The following TAF1B variants were observed in gnomAD, a reference collection of about 807,000 sequenced individuals.
The protein encoded by TAF1B is TATA-box binding protein associated factor, RNA polymerase I subunit B, also known as TATA box-binding protein-associated factor RNA polymerase I subunit B.
In TAF1B, 61 loss-of-function variants were observed where a neutral mutation model predicts 83.9. The ratio of observed to expected loss-of-function variants is 0.73; its 90% CI spans 0.59 to 0.90. TAF1B has a LOEUF of 0.90. Ranked by LOEUF, TAF1B falls within the 40% of genes least tolerant of loss-of-function variation. TAF1B has a pLI of 0.00. For synonymous variants in TAF1B, 221 were observed against 224.6 expected, an observed-to-expected ratio of 0.98 and a Z score of 0.14; for missense variants, 625 against 677.0, an observed-to-expected ratio of 0.92 and a Z score of 0.85.
At chr2:9,852,155 G>C in intron 4 of TAF1B, 1 of 393,136 alleles carries the variant, frequency 2.5e-6, no homozygotes, top group Non-Finnish European at 5.2e-6. Context: ...CTTAATCCCC[G>C]AATTTCTGAG....
intron 11 of TAF1B, among the ~76,000 whole-genome samples, chr2:9,911,913 T>C (rs1010763431): frequency 1.3e-5 from 2 of 152,242 alleles, no homozygotes; most frequent in African/African-American, 4.8e-5. Flanking sequence ...TGCTCTTTCC[T>C]TCTTACCCCA....
intron 2 of TAF1B, among the ~76,000 whole-genome samples, chr2:9,847,097 T>A (rs894033751): frequency 2.0e-5 from 3 of 152,216 alleles, no homozygotes; most frequent in African/African-American, 7.2e-5. Context: ...ACTGTTTCCG[T>A]TTGATTCTGT....
chr2:9,910,762 G>A lies in TAF1B; in HGVS notation c.982G>A (p.Val328Met), dbSNP rs540281305. 6 of 1,611,410 alleles carry A rather than the reference G, an allele frequency of 3.7e-6. No individual in the cohort carries two copies. The highest frequency in any genetic ancestry group is 2.2e-5 in the South Asian group (2 of 90,708). Residue 328 changes from valine to methionine, a missense_variant, in exon 10 of 15, where the codon GTG (valine) becomes ATG (methionine). Transcript: ENST00000263663. ...PDEMHSLTCH[V>M]VKMTGMGEVD... ...TGAAATGCATAGCTTAACTTGCCAC[G>A]TGGTAAAAATGACTGGAATGGGAGA...
chr2:9,870,470 G>A (rs1289554466), intron 6 of TAF1B, among the ~76,000 whole-genome samples: 2 of 152,122 alleles, frequency 1.3e-5, no homozygotes, highest in African/African-American at 4.8e-5. Flanking sequence ...CCGGCCGACG[G>A]AGCAAAACCT....
chr2:9,916,695 A>G (rs1236007763), intron 12 of TAF1B, among the ~76,000 whole-genome samples: 1 of 152,180 alleles, frequency 6.6e-6, no homozygotes, highest in African/African-American at 2.4e-5. Context: ...CATAACATTA[A>G]ATGACAAACT....
intron 8 of TAF1B, among the ~76,000 whole-genome samples, chr2:9,895,625 T>G (rs1346920180): frequency 1.3e-5 from 2 of 152,226 alleles, no homozygotes; most frequent in African/African-American, 4.8e-5. Flanking sequence ...ATTCATTTTA[T>G]TCTTTTTCCA....
chr2:9,895,417 C>T (rs1282938824), intron 8 of TAF1B, among the ~76,000 whole-genome samples: 1 of 152,182 alleles, frequency 6.6e-6, no homozygotes, highest in Non-Finnish European at 1.5e-5. Context: ...GGGAGGATCA[C>T]CTGAGCCCAG....
intron 12 of TAF1B, among the ~76,000 whole-genome samples, chr2:9,913,899 G>A (rs1419011435): frequency 6.6e-6 from 1 of 152,174 alleles, no homozygotes; most frequent in African/African-American, 2.4e-5. Flanking sequence ...GAGTCTCTTT[G>A]AGGCTTTGAA....
chr2:9,890,355 A>G (rs1423294728), intron 8 of TAF1B, among the ~76,000 whole-genome samples: 1 of 152,210 alleles, frequency 6.6e-6, no homozygotes, highest in African/African-American at 2.4e-5. Context: ...CAGAAACAGA[A>G]GTGTTCCAAA....
chr2:9,915,994 A>G (rs1055719358), intron 12 of TAF1B, among the ~76,000 whole-genome samples: 1 of 152,224 alleles, frequency 6.6e-6, no homozygotes, highest in East Asian at 1.9e-4. Flanking sequence ...CTATGATTCC[A>G]TTTATATGAC....
At chr2:9,889,839 ACT>A (rs1348454777) in intron 8 of TAF1B, among the ~76,000 whole-genome samples, 2 of 151,934 alleles carry the variant, frequency 1.3e-5, no homozygotes, top group African/African-American at 4.8e-5. Context: ...CCTACTAAAG[ACT>A]CTACCCAATG....
chr2:9,889,053 C>T (rs898818550), intron 8 of TAF1B, among the ~76,000 whole-genome samples: 5 of 151,678 alleles, frequency 3.3e-5, no homozygotes, highest in Admixed American at 6.6e-5. Flanking sequence ...CCACCCGCCT[C>T]GGCCTCCCAG....
chr2:9,929,513 C>T (rs1196176769), intron 14 of TAF1B, among the ~76,000 whole-genome samples: 1 of 152,158 alleles, frequency 6.6e-6, no homozygotes, highest in African/African-American at 2.4e-5. Flanking sequence ...TTGAACCAGC[C>T]TTCCATCCCA....
chr2:9,851,871 A>G, intron 4 of TAF1B: 1 of 639,742 alleles, frequency 1.6e-6, no homozygotes, highest in South Asian at 1.6e-5. Context: ...TAGTCTTCAG[A>G]TACTTAGGAA....
chr2:9,923,984 G>A (rs1003739414), intron 14 of TAF1B, among the ~76,000 whole-genome samples: 3 of 151,664 alleles, frequency 2.0e-5, no homozygotes, highest in Non-Finnish European at 3.0e-5. Context: ...GCAGGAGGGT[G>A]GATTGTGGAT....
chr2:9,885,152 T>G (rs975580495), intron 8 of TAF1B, among the ~76,000 whole-genome samples: 1 of 152,192 alleles, frequency 6.6e-6, no homozygotes, highest in Non-Finnish European at 1.5e-5. Context: ...GGCTAAAAGA[T>G]GATACAGTGA....
chr2:9,878,980 G>A (rs574148648), intron 7 of TAF1B, among the ~76,000 whole-genome samples: 49 of 152,224 alleles, frequency 3.2e-4, no homozygotes, highest in Middle Eastern at 6.8e-3. Flanking sequence ...TCACCAAGAG[G>A]GTGGCATTTA....
intron 8 of TAF1B, among the ~76,000 whole-genome samples, chr2:9,903,398 AT>A (rs1158097591): frequency 6.6e-6 from 1 of 152,114 alleles, no homozygotes; most frequent in Non-Finnish European, 1.5e-5. Flanking sequence ...TCTAAACTAA[AT>A]TTTTTATGTG....
intron 8 of TAF1B, among the ~76,000 whole-genome samples, chr2:9,884,167 C>T (rs1276559192): frequency 1.3e-5 from 2 of 152,198 alleles, no homozygotes; most frequent in African/African-American, 2.4e-5. Flanking sequence ...CGCGAGGCTG[C>T]GACCGGACCA....
Sources: gnomAD v4.1 joint callset for allele counts (sites outside exome capture counted in the v4.1 genomes callset) on GRCh38, gnomAD v4.1.1 for gene constraint, MANE v1.5 for transcripts, NCBI Gene and HGNC (gene_info 2026-07-23, HGNC 2026-07-21) for gene names.